Variants in MVB12B observed in about 807,000 individuals in gnomAD.
The protein encoded by MVB12B is multivesicular body subunit 12B.
Under a neutral mutation model 41.6 loss-of-function variants are expected in MVB12B, and 16 were observed. That is an observed-to-expected ratio of 0.38 (90% CI 0.26 to 0.58). The LOEUF (loss-of-function observed/expected upper bound fraction) is 0.58, where lower values mean the gene tolerates loss of function less well. Among genes scored for constraint, MVB12B ranks in the 20% least tolerant of loss-of-function variants. MVB12B has a pLI of 0.62. For synonymous variants in MVB12B, 133 were observed against 139.7 expected (o/e 0.95, Z 0.34); for missense variants, 274 against 380.2 (o/e 0.72, Z 2.32).
At chr9:126,425,425 G>A (rs1227012880) in intron 7 of MVB12B, among the ~76,000 whole-genome samples, 1 of 152,010 alleles carries the variant, frequency 6.6e-6, no homozygotes, top group South Asian at 2.1e-4. Context: ...ATAATAGCAC[G>A]TGTTGCTTTT....
chr9:126,433,102 G>C (rs1470464562), intron 7 of MVB12B, among the ~76,000 whole-genome samples: 1 of 152,080 alleles, frequency 6.6e-6, no homozygotes, highest in Non-Finnish European at 1.5e-5. Context: ...AAAGTTAAAT[G>C]ACCTTGGGCA....
intron 7 of MVB12B, among the ~76,000 whole-genome samples, chr9:126,435,567 T>A (rs1445051696): frequency 6.6e-6 from 1 of 151,962 alleles, no homozygotes; most frequent in African/African-American, 2.4e-5. Context: ...ACCCTTTAAA[T>A]GATTTTCCTT....
chr9:126,419,848 CTGTGAATCTG>C, intron 6 of MVB12B, among the ~76,000 whole-genome samples: 1 of 152,320 alleles, frequency 6.6e-6, no homozygotes, highest in East Asian at 1.9e-4. Context: ...AGGTCAGGGC[CTGTGAATCTG>C]TGTTGTAGCA....
intron 7 of MVB12B, among the ~76,000 whole-genome samples, chr9:126,479,653 C>G (rs1833484419): frequency 6.6e-6 from 1 of 152,186 alleles, no homozygotes; most frequent in African/African-American, 2.4e-5. Flanking sequence ...GCCAGCACCA[C>G]CTGAAATGGG....
chr9:126,492,368 A>G (rs781419345), intron 9 of MVB12B, among the ~76,000 whole-genome samples: 33 of 151,674 alleles, frequency 2.2e-4, no homozygotes, highest in Admixed American at 5.3e-4. Context: ...TTCCTTGTAC[A>G]TGTTGCCTGG....
chr9:126,345,197 G>T (rs1829555266), intron 2 of MVB12B, among the ~76,000 whole-genome samples: 1 of 152,214 alleles, frequency 6.6e-6, no homozygotes, highest in South Asian at 2.1e-4. Flanking sequence ...GTGTCTTGCT[G>T]TTGGCTGCCT....
intron 7 of MVB12B, among the ~76,000 whole-genome samples, chr9:126,461,911 G>A (rs1257287905): frequency 5.3e-5 from 8 of 152,324 alleles, no homozygotes; most frequent in South Asian, 2.1e-4. Context: ...ACCCAGCAGC[G>A]GAATATGACA....
chr9:126,329,435 G>C (rs1489815125), intron 1 of MVB12B, among the ~76,000 whole-genome samples: 2 of 152,216 alleles, frequency 1.3e-5, no homozygotes, highest in Non-Finnish European at 2.9e-5. Context: ...GTTTGTTGCG[G>C]GGAGAGCATT....
intron 9 of MVB12B, among the ~76,000 whole-genome samples, chr9:126,499,370 C>T (rs1324262051): frequency 6.6e-6 from 1 of 152,108 alleles, no homozygotes; most frequent in Non-Finnish European, 1.5e-5. Flanking sequence ...CACCAGAGGG[C>T]GCAGGCCCGG....
chr9:126,378,529 C>T (rs1217434209), intron 2 of MVB12B, among the ~76,000 whole-genome samples: 1 of 152,160 alleles, frequency 6.6e-6, no homozygotes, highest in Admixed American at 6.5e-5. Flanking sequence ...CCTGAACCAT[C>T]CAGCCCTCCA....
At chr9:126,423,119 A>G (rs1477265402) in intron 7 of MVB12B, among the ~76,000 whole-genome samples, 1 of 152,242 alleles carries the variant, frequency 6.6e-6, no homozygotes, top group Non-Finnish European at 1.5e-5. Flanking sequence ...GAAAAGCTGA[A>G]TATTTCCCCA....
intron 2 of MVB12B, among the ~76,000 whole-genome samples, chr9:126,358,331 A>G (rs1293456710): frequency 1.3e-5 from 2 of 151,654 alleles, no homozygotes; most frequent in East Asian, 3.9e-4. Context: ...AAGCATGTCA[A>G]TTTTTACAAA....
At chr9:126,361,912 A>G (rs1158592147) in intron 2 of MVB12B, among the ~76,000 whole-genome samples, 1 of 143,314 alleles carries the variant, frequency 7.0e-6, no homozygotes, top group Non-Finnish European at 1.5e-5. Flanking sequence ...AAACTCTGGA[A>G]AAAAAAAAAA....
chr9:126,341,319 T>C (rs1829438750), intron 2 of MVB12B, among the ~76,000 whole-genome samples: 1 of 152,236 alleles, frequency 6.6e-6, no homozygotes, highest in African/African-American at 2.4e-5. Flanking sequence ...TTTCAGTAGG[T>C]AAATTCTGAT....
chr9:126,431,555 T>C (rs1302605444), intron 7 of MVB12B, among the ~76,000 whole-genome samples: 1 of 152,170 alleles, frequency 6.6e-6, no homozygotes, highest in African/African-American at 2.4e-5. Flanking sequence ...TATTACTAGG[T>C]GACAGATACC....
At chr9:126,350,443 C>T (rs1380706497) in intron 2 of MVB12B, among the ~76,000 whole-genome samples, 1 of 152,190 alleles carries the variant, frequency 6.6e-6, no homozygotes, top group Non-Finnish European at 1.5e-5. Flanking sequence ...CCTGTTTTCT[C>T]CTACAACTTT....
At chr9:126,437,224 A>G (rs539780687) in intron 7 of MVB12B, among the ~76,000 whole-genome samples, 89 of 152,258 alleles carry the variant, frequency 5.8e-4, no homozygotes, top group Admixed American at 1.9e-3. Context: ...AATTTTTTTT[A>G]ATAGGAAGCT....
intron 7 of MVB12B, among the ~76,000 whole-genome samples, chr9:126,443,880 C>A (rs966330623): frequency 6.6e-6 from 1 of 152,276 alleles, no homozygotes; most frequent in East Asian, 1.9e-4. Context: ...CGGCCCTTCC[C>A]TCCCCATCGC....
chr9:126,394,150 C>A (rs1374436600), intron 5 of MVB12B, among the ~76,000 whole-genome samples: 1 of 152,202 alleles, frequency 6.6e-6, no homozygotes, highest in Non-Finnish European at 1.5e-5. Context: ...ACGGTTTACA[C>A]TAATTATGTA....
Sources: gnomAD v4.1 joint callset for allele counts (sites outside exome capture counted in the v4.1 genomes callset) on GRCh38, gnomAD v4.1.1 for gene constraint, MANE v1.5 for transcripts, NCBI Gene and HGNC (gene_info 2026-07-23, HGNC 2026-07-21) for gene names.